Variants in NTRK1 observed in about 807,000 individuals in gnomAD.
The protein encoded by NTRK1 is neurotrophic receptor tyrosine kinase 1.
Under a neutral mutation model 86.8 loss-of-function variants are expected in NTRK1, and 62 were observed. The ratio of observed to expected loss-of-function variants is 0.71; its 90% confidence interval spans 0.58 to 0.88. The LOEUF is 0.88. Ranked by LOEUF, NTRK1 falls within the 40% of genes least tolerant of loss-of-function variation. The pLI, the probability that NTRK1 is intolerant of heterozygous loss-of-function variation, is 0.00. For synonymous variants in NTRK1, 469 were observed against 456.6 expected, an observed-to-expected ratio of 1.03 and a Z score of -0.35; for missense variants, 967 against 1,078.4, an observed-to-expected ratio of 0.90 and a Z score of 1.45.
intron 2 of NTRK1, chr1:156,844,878 G>T (rs1476506430): frequency 6.2e-7 from 1 of 1,612,334 alleles, no homozygotes; most frequent in African/African-American, 1.3e-5. Context: ...CGGGCCAAAA[G>T]TGGTTCATCT....
chr1:156,861,562 GC>G (rs1436787312), intron 1 of NTRK1, among the ~76,000 whole-genome samples: 4 of 152,192 alleles, frequency 2.6e-5, no homozygotes, highest in Non-Finnish European at 5.9e-5. Context: ...GGGCAAGCCA[GC>G]CCCCGCCCAC....
At chr1:156,870,215 G>A (rs1305761777) in intron 6 of NTRK1, among the ~76,000 whole-genome samples, 3 of 152,190 alleles carry the variant, frequency 2.0e-5, no homozygotes, top group Non-Finnish European at 4.4e-5. Context: ...AGACTTACAT[G>A]TTTGCTACCA....
chr1:156,817,573 C>T (rs890067320), intron 1 of NTRK1, among the ~76,000 whole-genome samples: 1 of 151,772 alleles, frequency 6.6e-6, no homozygotes, highest in African/African-American at 2.4e-5. Context: ...GAGAATTCCT[C>T]CAGCTAAGCA....
At chr1:156,846,564 G>A (rs772428423) in intron 2 of NTRK1, 55 of 1,614,084 alleles carry the variant, frequency 3.4e-5, no homozygotes, top group Non-Finnish European at 6.8e-6. Context: ...TGGGCTCCTT[G>A]ATGAGGGCTG....
chr1:156,872,899 G>A (rs1242230652), intron 7 of NTRK1, among the ~76,000 whole-genome samples: 2 of 151,812 alleles, frequency 1.3e-5, no homozygotes, highest in African/African-American at 4.8e-5. Context: ...GGATGGTCTC[G>A]ATCTCCTGAC....
chr1:156,823,367 G>A lies in NTRK1; in HGVS notation c.-64+7529G>A, dbSNP rs763882373. Reference sequence around the variant, plus strand: ...TGGTGCCTTCCTGAGCCTTCAACAGGCCACGCCATCATTCCACCAAGATGA... The same window carrying A: ...TGGTGCCTTCCTGAGCCTTCAACAGACCACGCCATCATTCCACCAAGATGA... On this transcript the variant is annotated intron_variant, in intron 1 of 16. Coordinates refer to the NTRK1 transcript ENST00000392302. 5.3e-5 allele frequency among the ~76,000 whole-genome samples: 8 copies of A among 152,174 alleles called. No individual in the cohort carries two copies. In the South Asian group the frequency reaches 8.3e-4, roughly 16 times the overall value.
Position 156,861,109 on chromosome 1 carries a change from C to A in NTRK1, c.175C>A (p.Leu59Ile). The change falls in exon 1 of 17, where the codon CTC (leucine) becomes ATC (isoleucine). Residue 59 changes from leucine (L) to isoleucine (I), a missense_variant. Physicochemically the swap from Leu to Ile is conservative, Grantham distance 5. Coordinates refer to ENST00000524377, the MANE Select transcript of NTRK1 (RefSeq NM_002529.4). ...CACCCGGGATGGGGCCCTGGATAGC[C>A]TCCACCACCTGCCCGGCGCAGAGAA... The part of the protein sequence containing the change: ...RCTRDGALDS[L>I]HHLPGAENLT... 1 of 1,584,466 alleles carries A rather than the reference C, an allele frequency of 6.3e-7. No homozygotes were observed.
In NTRK1 at chr1:156,854,020, C is replaced by T. The variant is rs1229704946; in HGVS notation, c.51-10334C>T. 1.2e-6 allele frequency: 2 copies of T among 1,613,960 alleles called. No individual in the cohort carries two copies. Among genetic ancestry groups the T allele is most frequent in the East Asian group, 2.2e-5 (1 of 44,876 alleles). ...CAAGTGCAGGCAGTGCCACGTCACG[C>T]AGATGTGGCATCTCAAAGATGACCA... is the stretch of plus-strand genomic sequence containing the variant. On this transcript the variant is annotated intron_variant, in intron 2 of 16. Coordinates refer to the NTRK1 transcript ENST00000392302. The surrounding 1 kb of genome is among the most constrained non-coding windows in gnomAD (Gnocchi z 4.2).
At chr1:156,876,262 C>T (rs1255878248) in intron 13 of NTRK1, 52 bp downstream of exon 13, 2 of 1,612,484 alleles carry the variant, frequency 1.2e-6, no homozygotes, top group Admixed American at 3.3e-5. Context: ...CCCCCAGGAG[C>T]TCCATCACAT....
At chr1:156,823,025 T>C (rs1052187694) in intron 1 of NTRK1, among the ~76,000 whole-genome samples, 2 of 152,198 alleles carry the variant, frequency 1.3e-5, no homozygotes, top group Non-Finnish European at 2.9e-5. Flanking sequence ...TCAAAGTGAA[T>C]AGGTGGAAGT....
rs555107102 is a variant in NTRK1 at position 156,879,198 on chromosome 1, C to T, written c.1882C>T (p.Leu628=). ...APGPLGLGQL[L]AVASQVAAGM... ...AGGCCCCCTGGGTCTGGGGCAGCTGCTGGCCGTGGCTAGCCAGGTCGCTGC... is the reference window on the plus strand; with the variant it reads ...AGGCCCCCTGGGTCTGGGGCAGCTGTTGGCCGTGGCTAGCCAGGTCGCTGC... The change falls in exon 15 of 17, where the codon CTG becomes TTG. Residue 628 remains leucine (L), a synonymous_variant. Coordinates refer to ENST00000524377, the MANE Select transcript of NTRK1 (RefSeq NM_002529.4). 3.7e-5 allele frequency: 59 copies of T among 1,613,114 alleles called. No individual in the cohort carries two copies. The South Asian group carries it at 6.2e-4, about 17-fold the overall frequency.
At chr1:156,874,280 A>C (rs904100734) in intron 8 of NTRK1, 103 bp from the exon 9 acceptor site, 85 of 1,546,690 alleles carry the variant, frequency 5.5e-5, no homozygotes, top group Non-Finnish European at 7.1e-5. Context: ...CGTCCCATGA[A>C]GGAATGAGTC....
At chr1:156,864,610 G>A in intron 2 of NTRK1, 118 bp from the exon 3 acceptor site, 1 of 1,207,684 alleles carries the variant, frequency 8.3e-7, no homozygotes, top group Admixed American at 2.0e-5. Flanking sequence ...AAACAATGAG[G>A]GGCCTGAGGA....
chr1:156,861,876 C>T (rs1451326991), intron 1 of NTRK1, among the ~76,000 whole-genome samples: 1 of 152,188 alleles, frequency 6.6e-6, no homozygotes, highest in Non-Finnish European at 1.5e-5. Flanking sequence ...CAGCATTCTG[C>T]AGGACTCTGA....
Position 156,868,103 on chromosome 1 carries a change from G to T in NTRK1, c.429-1G>T. The T allele has an allele frequency of 6.2e-7, 1 of 1,613,830 alleles. No individual in the cohort carries two copies. Among genetic ancestry groups the T allele is most frequent in the Non-Finnish European group, 8.5e-7 (1 of 1,180,034 alleles). ...CTGTTGGTGTCCCCCATGCCCCCCA[G>T]GGTCCTGTCGGGGAACCCTCTGCAC... On this transcript the variant is annotated splice_acceptor_variant, in intron 4 of 16. Transcript: ENST00000524377. LOFTEE classifies it high-confidence loss of function.
chr1:156,870,681 A>G (rs1024917900), intron 6 of NTRK1, among the ~76,000 whole-genome samples: 1 of 152,216 alleles, frequency 6.6e-6, no homozygotes, highest in Non-Finnish European at 1.5e-5. Flanking sequence ...AGGATTCCAC[A>G]TTTATAAAGT....
intron 14 of NTRK1, among the ~76,000 whole-genome samples, chr1:156,877,076 G>A (rs1483431857): frequency 6.6e-6 from 1 of 152,078 alleles, no homozygotes; most frequent in Non-Finnish European, 1.5e-5. Context: ...GGAGTGCAAC[G>A]GTGTTGCAAT....
chr1:156,842,864 C>T, intron 2 of NTRK1: 2 of 697,658 alleles, frequency 2.9e-6, no homozygotes, highest in Admixed American at 2.8e-5. Flanking sequence ...CTAACCATGA[C>T]CTTTACCCCA....
intron 1 of NTRK1, among the ~76,000 whole-genome samples, chr1:156,819,705 G>C (rs61813765): frequency 7.0e-4 from 106 of 150,866 alleles, no homozygotes; most frequent in Middle Eastern, 3.4e-3. Flanking sequence ...TTTTAGTAGA[G>C]ATGGGGTTTC....
Sources: gnomAD v4.1 joint callset for allele counts (sites outside exome capture counted in the v4.1 genomes callset) on GRCh38, gnomAD v4.1.1 for gene constraint, Gnocchi (gnomAD v3.1) non-coding constraint, MANE v1.5 for transcripts, NCBI Gene and HGNC (gene_info 2026-07-23, HGNC 2026-07-21) for gene names.